RNF144B: variants seen among roughly 807,000 people sequenced by gnomAD.
The protein encoded by RNF144B is E3 ubiquitin-protein ligase RNF144B.
In RNF144B, 25 loss-of-function variants were observed where a neutral mutation model predicts 40.2. The ratio of observed to expected loss-of-function variants is 0.62; its 90% CI spans 0.45 to 0.87. The LOEUF is 0.87. RNF144B is among the 40% of genes least tolerant of loss of function. The pLI, the probability that RNF144B is intolerant of heterozygous loss-of-function variation, is 0.00. For missense variants in RNF144B, 365 were observed against 373.7 expected, an observed-to-expected ratio of 0.98 and a Z score of 0.19; for synonymous variants, 145 against 136.3, an observed-to-expected ratio of 1.06 and a Z score of -0.44.
In RNF144B at chr6:18,425,222, G is replaced by A. The variant is rs1758522315; in HGVS notation, c.166-2359G>A. Among the ~76,000 whole-genome samples the A allele has an allele frequency of 6.6e-6, 1 of 152,158 alleles. No homozygotes were observed. The highest frequency in any genetic ancestry group is 2.4e-5 in the African/African-American group (1 of 41,446). ...CAGGTGTTAGGATCTGAAGTTCTTT[G>A]CATTGTTCACTTTGTTTTCCTCAAA... On this transcript the variant is annotated intron_variant, in intron 2 of 7. Transcript: ENST00000259939. The surrounding 1 kb of genome is among the most constrained non-coding windows in gnomAD (Gnocchi z 4.2).
intron 2 of RNF144B, among the ~76,000 whole-genome samples, chr6:18,423,577 G>A (rs6926521): frequency 0.12 from 18,220 of 152,040 alleles, 1,305 homozygotes; most frequent in Admixed American, 0.19. Context: ...TTGGTACATC[G>A]GAATCTGATA....
rs1305453047 is a variant in RNF144B at position 18,448,086 on chromosome 6, GT to G, written c.331+8343del. On this transcript the variant is annotated intron_variant, in intron 4 of 7. Transcript: ENST00000259939. The surrounding 1 kb of genome is among the most constrained non-coding windows in gnomAD (Gnocchi z 4.0). ...AGTGCCAGCTTGGAGAGGGTTCAGG[GT>G]ACTATGAGAAGAAAAATGGGTGCAG... Among the ~76,000 whole-genome samples, 1 of 152,142 alleles carries G rather than the reference GT, an allele frequency of 6.6e-6. No homozygotes were observed. The highest frequency in any genetic ancestry group is 1.9e-4 in the East Asian group (1 of 5,194).
At chr6:18,409,447 A>G (rs1794988424) in intron 2 of RNF144B, among the ~76,000 whole-genome samples, 1 of 146,508 alleles carries the variant, frequency 6.8e-6, no homozygotes, top group South Asian at 2.1e-4. Context: ...CTTTGAACAT[A>G]CTTTAACATA....
chr6:18,438,204 C>T (rs1278827625), intron 3 of RNF144B, among the ~76,000 whole-genome samples: 4 of 152,158 alleles, frequency 2.6e-5, no homozygotes, highest in African/African-American at 9.7e-5. Flanking sequence ...CTTGTACCTT[C>T]TGTCTCCAAC....
chr6:18,437,026 T>C (rs1758838539), intron 3 of RNF144B, among the ~76,000 whole-genome samples: 1 of 151,258 alleles, frequency 6.6e-6, no homozygotes, highest in Admixed American at 6.6e-5. Context: ...GTAAATCTTA[T>C]GTTTATTGCT....
intron 3 of RNF144B, among the ~76,000 whole-genome samples, chr6:18,428,027 G>A (rs1007722115): frequency 5.3e-5 from 8 of 152,236 alleles, no homozygotes; most frequent in African/African-American, 1.7e-4. Context: ...TAATCCCCAC[G>A]TGTCAAGGGT....
rs973668716 is a variant in RNF144B at position 18,459,021 on chromosome 6, G to A, written c.537-586G>A. ...TAGATTTGACAACACTCTGTGAGTT[G>A]GATATCTCTGTGTGCTGGGTGGTGG... On this transcript the variant is annotated intron_variant, in intron 5 of 7. Transcript: ENST00000259939. The surrounding 1 kb of genome is among the most constrained non-coding windows in gnomAD (Gnocchi z 4.2). Among the ~76,000 whole-genome samples, 1 of 152,184 alleles carries A rather than the reference G, an allele frequency of 6.6e-6. No individual in the cohort carries two copies. The highest frequency in any genetic ancestry group is 1.5e-5 in the Non-Finnish European group (1 of 68,024).
chr6:18,413,381 T>TA (rs1199860745), intron 2 of RNF144B, among the ~76,000 whole-genome samples: 1 of 152,236 alleles, frequency 6.6e-6, no homozygotes, highest in Non-Finnish European at 1.5e-5. Context: ...ACTACTGGTT[T>TA]AAAAAATCCA....
At position 18,398,646 on chromosome 6, in the gene RNF144B, G is replaced by A. The variant is rs184902223; in HGVS notation, c.-36-853G>A. ...TGACCTCAAGCAATCCACCTGCCTC[G>A]GCCTCCCACAGTGCTGGGATTACAG... On this transcript the variant is annotated intron_variant, in intron 1 of 7. Coordinates refer to ENST00000259939, the MANE Select transcript of RNF144B (RefSeq NM_182757.4). The surrounding 1 kb of genome is among the most constrained non-coding windows in gnomAD (Gnocchi z 5.0). Among the ~76,000 whole-genome samples, 1,232 of 152,196 alleles carry A rather than the reference G, an allele frequency of 8.1e-3. 56 individuals carry two copies. Among genetic ancestry groups the A allele is most frequent in the Admixed American group, 0.067 (1,019 of 15,278 alleles).
In RNF144B at chr6:18,459,567, C is replaced by T. The variant is rs1759406534; in HGVS notation, c.537-40C>T. ...GGAGCCCTGGGAATTCAACTGATGA[C>T]CATCAGCTGAATGCCATTTCTCATC... On this transcript the variant is annotated intron_variant, in intron 5 of 7. Transcript: ENST00000259939. This position sits in a 1 kb window ranked among gnomAD's most constrained non-coding sequence, Gnocchi z 4.2. 6.3e-7 allele frequency: 1 copy of T among 1,596,420 alleles called. No homozygotes were observed. The highest frequency in any genetic ancestry group is 1.3e-5 in the African/African-American group (1 of 74,574).
rs747612370 is a variant in RNF144B at position 18,463,363 on chromosome 6, A to T, written c.754A>T (p.Met252Leu). ...NKLGHSRASV[M>L]WNRTQVVGIL... The stretch of plus-strand genomic sequence containing the variant: ...ACTTGGCCACTCAAGAGCATCAGTG[A>T]TGTGGAACCGAACACAGGTACCCTG... The change falls in exon 7 of 8, where the codon ATG (methionine) becomes TTG (leucine). Residue 252 changes from methionine (M) to leucine (L), a missense_variant. Transcript: ENST00000259939. 5 of 1,608,636 alleles carry T rather than the reference A, an allele frequency of 3.1e-6. No individual in the cohort carries two copies. The highest frequency in any genetic ancestry group is 1.7e-5 in the Admixed American group (1 of 60,000).
rs1473687833 is a variant in RNF144B, at chr6:18,448,818, T to C, written c.332-8337T>C. Among the ~76,000 whole-genome samples, 1 of 152,150 alleles carries C rather than the reference T, an allele frequency of 6.6e-6. No individual in the cohort carries two copies. The highest frequency in any genetic ancestry group is 2.4e-5 in the African/African-American group (1 of 41,428). On this transcript the variant is annotated intron_variant, in intron 4 of 7. Transcript: ENST00000259939. The surrounding 1 kb of genome is among the most constrained non-coding windows in gnomAD (Gnocchi z 4.0). ...TTTCATTTTTATGCTGGTCACAACCTATTAAACTGATACCTCAATCCCCAT... is the reference window on the plus strand; with the variant it reads ...TTTCATTTTTATGCTGGTCACAACCCATTAAACTGATACCTCAATCCCCAT...
At chr6:18,397,486 G>A (rs1794716675) in intron 1 of RNF144B, among the ~76,000 whole-genome samples, 2 of 152,060 alleles carry the variant, frequency 1.3e-5, no homozygotes. Flanking sequence ...TTCCAGATGT[G>A]ATATAAAATA....
chr6:18,406,475 TGTGTGTG>T lies in RNF144B; in HGVS notation c.165+6777_165+6783del, dbSNP rs1794910151. 1.3e-5 allele frequency among the ~76,000 whole-genome samples: 2 copies of T among 148,668 alleles called. No individual in the cohort carries two copies. Among genetic ancestry groups the T allele is most frequent in the African/African-American group, 5.0e-5 (2 of 39,812 alleles). ...CTGGAAAAGTGTGTGTGTGTGTGTGTGTGTGTGTGTGTGTGTGTGTGTGTGTAGGGGG... is the reference window on the plus strand; with the variant it reads ...CTGGAAAAGTGTGTGTGTGTGTGTGTTGTGTGTGTGTGTGTGTGTAGGGGG... On this transcript the variant is annotated intron_variant, in intron 2 of 7. Transcript: ENST00000259939. This position sits in a 1 kb window ranked among gnomAD's most constrained non-coding sequence, Gnocchi z 4.2.
intron 2 of RNF144B, among the ~76,000 whole-genome samples, chr6:18,409,342 C>T (rs1459572500): frequency 1.5e-5 from 2 of 135,030 alleles, no homozygotes; most frequent in South Asian, 2.4e-4. Context: ...CTTGCCACTG[C>T]ACTCCAGCCC....
chr6:18,431,843 C>T (rs1383702461), intron 3 of RNF144B, among the ~76,000 whole-genome samples: 1 of 152,172 alleles, frequency 6.6e-6, no homozygotes. Context: ...TGGCTGTGCT[C>T]CATGTACCTG....
rs1759324865 is a variant in RNF144B at position 18,456,313 on chromosome 6, G to C, written c.332-842G>C. Among the ~76,000 whole-genome samples the C allele has an allele frequency of 6.6e-6, 1 of 152,200 alleles. No individual in the cohort carries two copies. Among genetic ancestry groups the C allele is most frequent in the Non-Finnish European group, 1.5e-5 (1 of 68,034 alleles). ...ACAGGTAATCCAACTTCTTGGCTAA[G>C]CCACACCAGATACTGTTTAATCCCT... On this transcript the variant is annotated intron_variant, in intron 4 of 7. Transcript: ENST00000259939. The surrounding 1 kb of genome is among the most constrained non-coding windows in gnomAD (Gnocchi z 4.7).
intron 7 of RNF144B, 61 bp downstream of exon 7, chr6:18,463,441 C>A: frequency 1.0e-6 from 1 of 955,870 alleles, no homozygotes; most frequent in Admixed American, 1.8e-5. Context: ...AAAGAGCCCA[C>A]CTCTTCGCCT....
intron 1 of RNF144B, among the ~76,000 whole-genome samples, chr6:18,391,185 T>G (rs1436687541): frequency 6.6e-6 from 1 of 152,176 alleles, no homozygotes; most frequent in Non-Finnish European, 1.5e-5. Flanking sequence ...TCTATAAGGC[T>G]CTTTGAAATA....
Sources: allele counts gnomAD v4.1 joint callset (sites outside exome capture counted in the v4.1 genomes callset), GRCh38; gene constraint gnomAD v4.1.1; non-coding constraint Gnocchi (gnomAD v3.1); transcripts MANE v1.5; gene names NCBI Gene and HGNC (gene_info 2026-07-23, HGNC 2026-07-21).